RUSC2: variants seen among roughly 807,000 people sequenced by gnomAD.
RUSC2 encodes the protein AP-4 complex accessory subunit RUSC2.
A neutral mutation model predicts 122.2 loss-of-function variants in RUSC2; 34 were observed. That is an observed-to-expected ratio of 0.28 (90% confidence interval 0.21 to 0.37). The LOEUF is 0.37. Among genes scored for constraint, RUSC2 ranks in the 10% least tolerant of loss-of-function variants. RUSC2 has a pLI of 1.00. For synonymous variants in RUSC2, 784 were observed against 790.0 expected, an observed-to-expected ratio of 0.99 and a Z score of 0.13; for missense variants, 1,747 against 1,952.4, an observed-to-expected ratio of 0.89 and a Z score of 1.98.
chr9:35,549,032 C>CA (rs1235517106), intron 2 of RUSC2: 35,405 of 609,554 alleles, frequency 0.058, 18 homozygotes, highest in Non-Finnish European at 0.063. Context: ...GATTCTGTCT[C>CA]AAAAAAAAAA....
chr9:35,558,374 A>AG lies in RUSC2; in HGVS notation c.3235+5dup. ...GGTTGAGGCTTCCACACAGCTAGGT[A>AG]GGTGCTGGGTGCCAAGACGGGGACC... On this transcript the variant is annotated splice_donor_region_variant and intron_variant, in intron 7 of 11. Coordinates refer to ENST00000361226, the MANE Select transcript of RUSC2 (RefSeq NM_014806.5). The surrounding 1 kb of genome is among the most constrained non-coding windows in gnomAD (Gnocchi z 4.3). The AG allele has an allele frequency of 1.2e-6, 2 of 1,613,928 alleles. No homozygotes were observed. The highest frequency in any genetic ancestry group is 1.7e-6 in the Non-Finnish European group (2 of 1,179,810).
At chr9:35,491,469 C>T (rs34167533) in intron 1 of RUSC2, among the ~76,000 whole-genome samples, 31,833 of 152,084 alleles carry the variant, frequency 0.21, 4,168 homozygotes, top group East Asian at 0.36. Context: ...GCTGTATGGC[C>T]AGCCACTGTT....
intron 1 of RUSC2, among the ~76,000 whole-genome samples, chr9:35,538,471 C>A (rs1367121932): frequency 6.6e-6 from 1 of 152,070 alleles, no homozygotes; most frequent in Non-Finnish European, 1.5e-5. Flanking sequence ...GGCTGACTGC[C>A]CCACCCTGAG....
Position 35,556,002 on chromosome 9 carries a change from A to G in RUSC2, c.2707A>G (p.Asn903Asp). 1 of 1,614,242 alleles carries G rather than the reference A, an allele frequency of 6.2e-7. No homozygotes were observed. Among genetic ancestry groups the G allele is most frequent in the Non-Finnish European group, 8.5e-7 (1 of 1,180,038 alleles). The change falls in exon 4 of 12, where the codon AAC (asparagine) becomes GAC (aspartate). Residue 903 changes from asparagine to aspartate, a missense_variant. Asn to Asp is a conservative substitution (Grantham distance 23). Coordinates refer to ENST00000361226, the MANE Select transcript of RUSC2 (RefSeq NM_014806.5). Reference protein sequence around the residue: ...ALKWREYRRKNPLGPPGLSGS... With the variant: ...ALKWREYRRKDPLGPPGLSGS... Reference sequence around the variant, plus strand: ...CAAGTGGCGGGAATACAGGAGGAAGAACCCACTAGGGCCACCTGGTTTGTC... The same window carrying G: ...CAAGTGGCGGGAATACAGGAGGAAGGACCCACTAGGGCCACCTGGTTTGTC...
In RUSC2 at chr9:35,548,057, C is replaced by G; in HGVS notation, c.1536C>G (p.Gly512=). 1 of 1,613,526 alleles carries G rather than the reference C, an allele frequency of 6.2e-7. No homozygotes were observed. The highest frequency in any genetic ancestry group is 8.5e-7 in the Non-Finnish European group (1 of 1,180,046). Residue 512 remains glycine (G), a synonymous_variant, in exon 2 of 12, where the codon GGC becomes GGG. Coordinates refer to ENST00000361226, the MANE Select transcript of RUSC2 (RefSeq NM_014806.5). This position sits in a 1 kb window ranked among gnomAD's most constrained non-coding sequence, Gnocchi z 4.5. ...SLQRSPPVRL[G]SLERMLSCPV... is the part of the protein sequence containing the mutation. ...AGCGCAGCCCTCCTGTCCGCCTGGG[C>G]TCGCTGGAACGTATGTTGAGTTGCC...
intron 1 of RUSC2, among the ~76,000 whole-genome samples, chr9:35,540,711 A>T (rs1002869522): frequency 1.3e-5 from 2 of 152,178 alleles, no homozygotes; most frequent in African/African-American, 4.8e-5. Context: ...GTGTAAATGG[A>T]GGCTGAAATG....
intron 1 of RUSC2, among the ~76,000 whole-genome samples, chr9:35,494,566 T>C (rs1328128492): frequency 6.6e-6 from 1 of 152,182 alleles, no homozygotes; most frequent in Non-Finnish European, 1.5e-5. Flanking sequence ...TTTTTTCATG[T>C]ATTTCATACC....
Position 35,560,022 on chromosome 9 carries a change from C to T in RUSC2, c.3389-7C>T. 6.3e-7 allele frequency: 1 copy of T among 1,582,332 alleles called. No homozygotes were observed. ...GTGTGGATCAGTCCCTCTCTCTTTT[C>T]CCCTAGACATCATCCAGACCCACTA... is the stretch of plus-strand genomic sequence containing the variant. On this transcript the variant is annotated splice_polypyrimidine_tract_variant and splice_region_variant and intron_variant, in intron 9 of 11. Coordinates refer to ENST00000361226, the MANE Select transcript of RUSC2 (RefSeq NM_014806.5).
At chr9:35,533,879 T>C (rs1003039542) in intron 1 of RUSC2, among the ~76,000 whole-genome samples, 1 of 152,250 alleles carries the variant, frequency 6.6e-6, no homozygotes, top group Non-Finnish European at 1.5e-5. Context: ...AACATTTTGG[T>C]TGCTCCTAGT....
At chr9:35,528,369 G>A (rs1821359274) in intron 1 of RUSC2, among the ~76,000 whole-genome samples, 1 of 151,346 alleles carries the variant, frequency 6.6e-6, no homozygotes, top group Non-Finnish European at 1.5e-5. Flanking sequence ...GGGTGACAGA[G>A]TGAGACCCTA....
chr9:35,561,871 A>C lies in RUSC2; in HGVS notation c.*489A>C, dbSNP rs1387170945. On this transcript the variant is annotated 3_prime_UTR_variant, in exon 12 of 12. Coordinates refer to ENST00000361226, the MANE Select transcript of RUSC2 (RefSeq NM_014806.5). ...ATTTATTTATTTATTATACCTATTA[A>C]TAAAAAAGGTGCTCAGCCTCCAAAC... 1.5e-6 allele frequency: 1 copy of C among 681,466 alleles called. No individual in the cohort carries two copies. Among genetic ancestry groups the C allele is most frequent in the Non-Finnish European group, 2.6e-6 (1 of 384,172 alleles). 42.2% of individuals were successfully genotyped at this position (681,466 alleles called of 1,614,324 possible).
At chr9:35,554,981 C>T (rs926064241) in intron 2 of RUSC2, 79 bp from the exon 3 acceptor site, 94 of 1,549,024 alleles carry the variant, frequency 6.1e-5, no homozygotes, top group Non-Finnish European at 7.9e-5. Flanking sequence ...TCTCCCCTCT[C>T]CCATCTCTGC....
chr9:35,533,669 G>A (rs193206272), intron 1 of RUSC2, among the ~76,000 whole-genome samples: 252 of 152,218 alleles, frequency 1.7e-3, no homozygotes, highest in Middle Eastern at 0.01. Flanking sequence ...TCTACTTTTT[G>A]TCTCTATAGA....
At position 35,558,659 on chromosome 9, in the gene RUSC2, A is replaced by G. The variant is rs1007419932; in HGVS notation, c.3341+92A>G. 1 of 1,077,918 alleles carries G rather than the reference A, an allele frequency of 9.3e-7. No individual in the cohort carries two copies. The highest frequency in any genetic ancestry group is 1.4e-6 in the Non-Finnish European group (1 of 701,806). 66.8% of individuals were successfully genotyped at this position (1,077,918 alleles called of 1,614,324 possible). A position where few individuals can be genotyped will look rare whatever the true frequency, so the allele number is the denominator to read the frequency against. ...GCACCAAGGAAACAACGCCCTGGAC[A>G]GACAGAAAGGGTGGATCTGGAGGGT... On this transcript the variant is annotated intron_variant, in intron 8 of 11. Transcript: ENST00000361226. The surrounding 1 kb of genome is among the most constrained non-coding windows in gnomAD (Gnocchi z 4.3).
At chr9:35,490,982 T>G (rs12380382) in intron 1 of RUSC2, among the ~76,000 whole-genome samples, 21,811 of 152,028 alleles carry the variant, frequency 0.14, 1,796 homozygotes, top group Middle Eastern at 0.24. Flanking sequence ...AGTTGTCCTT[T>G]GCGTTTTGAA....
In RUSC2 at chr9:35,558,468, C is replaced by T; in HGVS notation, c.3242C>T (p.Ser1081Phe). 1 of 1,614,064 alleles carries T rather than the reference C, an allele frequency of 6.2e-7. No homozygotes were observed. The highest frequency in any genetic ancestry group is 8.5e-7 in the Non-Finnish European group (1 of 1,179,946). ...AACCCTGGCTTCCTCCCAGGCCCAT[C>T]CACCAAGGTCCTGCATGGCCTCTAC... The part of the protein sequence containing the change: ...VVEASTQLGP[S>F]TKVLHGLYNK... Residue 1081 changes from serine to phenylalanine, a missense_variant, in exon 8 of 12, where the codon TCC becomes TTC. Transcript: ENST00000361226. The surrounding 1 kb of genome is among the most constrained non-coding windows in gnomAD (Gnocchi z 4.3).
chr9:35,533,144 G>C (rs942890067), intron 1 of RUSC2, among the ~76,000 whole-genome samples: 1 of 152,068 alleles, frequency 6.6e-6, no homozygotes, highest in Non-Finnish European at 1.5e-5. Flanking sequence ...CTACTCGAGA[G>C]GCTGAGGCAC....
Position 35,557,808 on chromosome 9 carries a change from GAGTA to G in RUSC2, c.2984-102_2984-99del, listed in dbSNP as rs1219495241. 4 of 874,746 alleles carry G rather than the reference GAGTA, an allele frequency of 4.6e-6. No individual in the cohort carries two copies. The East Asian group carries it at 9.7e-5, about 21-fold the overall frequency. 54.2% of individuals were successfully genotyped at this position (874,746 alleles called of 1,614,324 possible). A position where few individuals can be genotyped will look rare whatever the true frequency, so the allele number is the denominator to read the frequency against. On this transcript the variant is annotated intron_variant, in intron 5 of 11. Transcript: ENST00000361226. The surrounding 1 kb of genome is among the most constrained non-coding windows in gnomAD (Gnocchi z 4.6). ...AGACCCATGTGCAGATGTGGAGACG[GAGTA>G]AGTGTGGGAGCCCTTTCCCTGAGGA...
Position 35,547,924 on chromosome 9 carries a change from C to T in RUSC2, c.1403C>T (p.Ala468Val). 6.2e-7 allele frequency: 1 copy of T among 1,614,240 alleles called. No individual in the cohort carries two copies. Among genetic ancestry groups the T allele is most frequent in the Non-Finnish European group, 8.5e-7 (1 of 1,180,046 alleles). The change falls in exon 2 of 12, where the codon GCA (alanine) becomes GTA (valine). Residue 468 changes from alanine (A) to valine (V), a missense_variant. Coordinates refer to ENST00000361226, the MANE Select transcript of RUSC2 (RefSeq NM_014806.5). This position sits in a 1 kb window ranked among gnomAD's most constrained non-coding sequence, Gnocchi z 4.6. ...QEAVSSSTQA[A>V]AAVGPTVLEG... ...GCAGTGAGTTCCTCCACCCAAGCAG[C>T]AGCTGCTGTGGGCCCCACTGTGCTT...
Sources: allele counts gnomAD v4.1 joint callset (sites outside exome capture counted in the v4.1 genomes callset), GRCh38; gene constraint gnomAD v4.1.1; non-coding constraint Gnocchi (gnomAD v3.1); transcripts MANE v1.5; gene names NCBI Gene and HGNC (gene_info 2026-07-23, HGNC 2026-07-21).